CRACD: variants seen among roughly 807,000 people sequenced by gnomAD.
The protein encoded by CRACD is capping protein inhibiting regulator of actin dynamics.
Under a neutral mutation model 106.8 loss-of-function variants are expected in CRACD, and 56 were observed. The observed-to-expected ratio is 0.52, with a 90% confidence interval of 0.42 to 0.66. The LOEUF (loss-of-function observed/expected upper bound fraction) is 0.66. Ranked by LOEUF, CRACD falls within the 30% of genes least tolerant of loss-of-function variation. CRACD has a pLI of 0.00. For synonymous variants in CRACD, 754 were observed against 670.8 expected (o/e 1.12, Z -1.92); for missense variants, 1,730 against 1,623.2 (o/e 1.07, Z -1.13).
In CRACD at chr4:56,316,153, C is replaced by T. The variant is rs780802806; in HGVS notation, c.2651C>T (p.Pro884Leu). ...STGDSADAGP[P>L]AAGSARGEKE... ...GGAGACAGCGCGGATGCAGGGCCGC[C>T]TGCAGCGGGGAGCGCTCGTGGAGAG... Residue 884 changes from proline to leucine, a missense_variant, in exon 8 of 11, where the codon CCT (proline) becomes CTT (leucine). This residue lies in a region of CRACD where 1,620 missense variants were observed against 1,481.6 expected (regional missense o/e 1.09). Coordinates refer to ENST00000682029, the MANE Select transcript of CRACD (RefSeq NM_001393381.1). 2.5e-6 allele frequency: 4 copies of T among 1,614,192 alleles called. No individual in the cohort carries two copies. Among genetic ancestry groups the T allele is most frequent in the East Asian group, 4.5e-5 (2 of 44,870 alleles).
intron 1 of CRACD, among the ~76,000 whole-genome samples, chr4:56,152,016 T>TC (rs1735597372): frequency 2.0e-5 from 3 of 150,346 alleles, no homozygotes; most frequent in Admixed American, 6.6e-5. Context: ...GTTTTTTCTT[T>TC]TTTTTTTTTT....
intron 1 of CRACD, among the ~76,000 whole-genome samples, chr4:56,170,435 G>T (rs1736318341): frequency 6.6e-6 from 1 of 152,120 alleles, no homozygotes; most frequent in African/African-American, 2.4e-5. Context: ...TATCATTTTG[G>T]ATACTTTTGG....
At chr4:56,082,315 A>G (rs1284186036) in intron 1 of CRACD, among the ~76,000 whole-genome samples, 1 of 152,226 alleles carries the variant, frequency 6.6e-6, no homozygotes, top group Non-Finnish European at 1.5e-5. Flanking sequence ...ATGAAATCCA[A>G]AAGATGAGTG....
At chr4:56,121,103 A>G (rs1003875980) in intron 1 of CRACD, among the ~76,000 whole-genome samples, 1 of 152,190 alleles carries the variant, frequency 6.6e-6, no homozygotes, top group African/African-American at 2.4e-5. Flanking sequence ...TCTTCATATA[A>G]CATTACTATT....
At chr4:56,323,667 A>T in intron 9 of CRACD, 100 bp downstream of exon 9, 1 of 1,177,294 alleles carries the variant, frequency 8.5e-7, no homozygotes, top group Non-Finnish European at 1.2e-6. Context: ...GCTGGTGGAA[A>T]GTACTTAGAG....
intron 1 of CRACD, among the ~76,000 whole-genome samples, chr4:56,118,473 G>A (rs557857733): frequency 6.6e-6 from 1 of 152,336 alleles, no homozygotes; most frequent in East Asian, 1.9e-4. Context: ...TGGGGCAGTC[G>A]AGCCACAAAC....
intron 2 of CRACD, among the ~76,000 whole-genome samples, chr4:56,259,708 C>G (rs1741582354): frequency 6.6e-6 from 1 of 152,020 alleles, no homozygotes; most frequent in African/African-American, 2.4e-5. Flanking sequence ...GACAGTGATT[C>G]CATTGAATTG....
At chr4:56,199,319 G>A (rs1188303419) in intron 2 of CRACD, among the ~76,000 whole-genome samples, 2 of 152,164 alleles carry the variant, frequency 1.3e-5, no homozygotes, top group African/African-American at 2.4e-5. Context: ...TGGTTATATA[G>A]ATATTTTCAC....
At chr4:56,191,742 G>A (rs892490674) in intron 2 of CRACD, among the ~76,000 whole-genome samples, 29 of 152,314 alleles carry the variant, frequency 1.9e-4, no homozygotes, top group Middle Eastern at 3.4e-3. Context: ...CACCATGTAC[G>A]ACGTTATTTC....
chr4:56,066,985 AAATT>A (rs1453091883), intron 1 of CRACD, among the ~76,000 whole-genome samples: 2 of 152,226 alleles, frequency 1.3e-5, no homozygotes, highest in Non-Finnish European at 2.9e-5. Context: ...AGATGCATTT[AAATT>A]AATTAATTAA....
At chr4:56,061,396 T>C (rs1732269200) in intron 1 of CRACD, among the ~76,000 whole-genome samples, 1 of 152,130 alleles carries the variant, frequency 6.6e-6, no homozygotes, top group South Asian at 2.1e-4. Flanking sequence ...GGTCTTGAAC[T>C]CCTGGGCTCA....
At chr4:56,192,366 T>C (rs1354973838) in intron 2 of CRACD, among the ~76,000 whole-genome samples, 1 of 151,218 alleles carries the variant, frequency 6.6e-6, no homozygotes, top group Non-Finnish European at 1.5e-5. Flanking sequence ...CACTCCAGCC[T>C]GAGTGGCGAC....
At chr4:56,219,185 GA>G (rs1462216520) in intron 2 of CRACD, among the ~76,000 whole-genome samples, 1 of 152,158 alleles carries the variant, frequency 6.6e-6, no homozygotes, top group Non-Finnish European at 1.5e-5. Context: ...AATTCAAGAA[GA>G]TGCTCCTAGT....
intron 2 of CRACD, among the ~76,000 whole-genome samples, chr4:56,211,445 G>A (rs1328729027): frequency 2.0e-5 from 3 of 152,240 alleles, no homozygotes; most frequent in Non-Finnish European, 4.4e-5. Flanking sequence ...TGTTCCAGGT[G>A]TGCCCCAGCC....
At chr4:56,219,135 C>T (rs764376596) in intron 2 of CRACD, among the ~76,000 whole-genome samples, 24 of 152,232 alleles carry the variant, frequency 1.6e-4, no homozygotes, top group Admixed American at 7.8e-4. Flanking sequence ...TCTCTTCTTA[C>T]CTTACTTTTA....
intron 1 of CRACD, among the ~76,000 whole-genome samples, chr4:56,122,077 G>C (rs1393590405): frequency 6.6e-6 from 1 of 152,128 alleles, no homozygotes. Context: ...GGTAGACTGA[G>C]GTGGAAGGAT....
chr4:56,095,597 G>T, intron 1 of CRACD, among the ~76,000 whole-genome samples: 1 of 152,180 alleles, frequency 6.6e-6, no homozygotes, highest in East Asian at 1.9e-4. Context: ...GCCTACCTTG[G>T]TCAAGAAGCA....
At chr4:56,164,133 A>G (rs1179001508) in intron 1 of CRACD, among the ~76,000 whole-genome samples, 1 of 128,846 alleles carries the variant, frequency 7.8e-6, no homozygotes, top group Non-Finnish European at 1.6e-5. Flanking sequence ...GGTACAGGAG[A>G]TAATTTTTTT....
chr4:56,195,396 A>G (rs113288561), intron 2 of CRACD, among the ~76,000 whole-genome samples: 194 of 152,296 alleles, frequency 1.3e-3, no homozygotes, highest in African/African-American at 4.5e-3. Context: ...AGATAAATGA[A>G]TGCTTCAAAA....
Sources: gnomAD v4.1 joint callset for allele counts (sites outside exome capture counted in the v4.1 genomes callset) on GRCh38, gnomAD v4.1.1 for gene constraint, gnomAD v4.1.1 regional missense constraint, MANE v1.5 for transcripts, NCBI Gene and HGNC (gene_info 2026-07-23, HGNC 2026-07-21) for gene names.